Variants in CHCHD6 observed in about 807,000 individuals in gnomAD.
CHCHD6 encodes MICOS complex subunit MIC25.
A neutral mutation model predicts 32.3 loss-of-function variants in CHCHD6; 28 were observed. The observed-to-expected ratio is 0.87, with a 90% CI of 0.64 to 1.19. The LOEUF (loss-of-function observed/expected upper bound fraction) is 1.19. Among genes scored for constraint, CHCHD6 ranks in the 50% most tolerant of loss-of-function variants. CHCHD6 has a pLI of 0.00. For missense variants in CHCHD6, 333 were observed against 307.0 expected, an observed-to-expected ratio of 1.08 and a Z score of -0.63; for synonymous variants, 122 against 117.5, an observed-to-expected ratio of 1.04 and a Z score of -0.25.
chr3:126,719,499 A>G (rs775558482), intron 1 of CHCHD6, among the ~76,000 whole-genome samples: 2 of 152,164 alleles, frequency 1.3e-5, no homozygotes, highest in African/African-American at 2.4e-5. Context: ...AGCATTTCTG[A>G]AGTGGGGATG....
At chr3:126,929,655 T>C (rs1322537574) in intron 6 of CHCHD6, among the ~76,000 whole-genome samples, 1 of 152,140 alleles carries the variant, frequency 6.6e-6, no homozygotes, top group Non-Finnish European at 1.5e-5. Context: ...ATCCTCTGCC[T>C]CCTGGGTTCA....
intron 4 of CHCHD6, among the ~76,000 whole-genome samples, chr3:126,740,299 T>C (rs1936237979): frequency 6.6e-6 from 1 of 152,190 alleles, no homozygotes; most frequent in Admixed American, 6.5e-5. Flanking sequence ...CCTATGGGCT[T>C]TCTCTCCATT....
At chr3:126,871,743 G>T (rs560660340) in intron 5 of CHCHD6, among the ~76,000 whole-genome samples, 1 of 140,486 alleles carries the variant, frequency 7.1e-6, no homozygotes, top group African/African-American at 2.7e-5. Flanking sequence ...TTGGCTCACT[G>T]CAACCTCCGC....
chr3:126,864,408 C>T (rs1420291825), intron 5 of CHCHD6, among the ~76,000 whole-genome samples: 1 of 149,612 alleles, frequency 6.7e-6, no homozygotes, highest in East Asian at 2.0e-4. Flanking sequence ...TCCTCCTCCT[C>T]CTCCTCTTCC....
At chr3:126,878,171 A>G (rs762158074) in intron 5 of CHCHD6, among the ~76,000 whole-genome samples, 34 of 152,368 alleles carry the variant, frequency 2.2e-4, no homozygotes, top group Non-Finnish European at 4.3e-4. Flanking sequence ...CAGAATCAAT[A>G]TGAATTCAGG....
chr3:126,930,576 A>G (rs960135793), intron 6 of CHCHD6, among the ~76,000 whole-genome samples: 4 of 152,146 alleles, frequency 2.6e-5, no homozygotes, highest in African/African-American at 4.8e-5. Flanking sequence ...GAAATAGAAA[A>G]CATGGGCTTT....
intron 4 of CHCHD6, among the ~76,000 whole-genome samples, chr3:126,773,128 A>T (rs568797218): frequency 1.3e-5 from 2 of 152,052 alleles, no homozygotes; most frequent in South Asian, 4.1e-4. Flanking sequence ...TTCCCTTTGT[A>T]GGTGACCTGC....
At position 126,727,126 on chromosome 3, in the gene CHCHD6, C is replaced by G. The variant is rs200475603; in HGVS notation, c.136C>G (p.Pro46Ala). The change falls in exon 2 of 8, where the codon CCT becomes GCT. Residue 46 changes from proline to alanine, a missense_variant. By Grantham distance (27) the Pro-to-Ala change is conservative. Coordinates refer to ENST00000290913, the MANE Select transcript of CHCHD6 (RefSeq NM_032343.3). ...NRMKEPSSPPPAPTSSTFGLQ... is the reference protein window; with the variant it reads ...NRMKEPSSPPAAPTSSTFGLQ... ...CATGAAGGAGCCCAGCTCTCCACCC[C>G]CTGCTCCCACATCTTCTACCTTTGG... 3.1e-6 allele frequency: 5 copies of G among 1,614,162 alleles called. No individual in the cohort carries two copies. Among genetic ancestry groups the G allele is most frequent in the East Asian group, 2.2e-5 (1 of 44,876 alleles).
At chr3:126,865,928 G>C (rs1392691921) in intron 5 of CHCHD6, among the ~76,000 whole-genome samples, 1 of 152,202 alleles carries the variant, frequency 6.6e-6, no homozygotes, top group African/African-American at 2.4e-5. Flanking sequence ...TCTGTGCCAG[G>C]AACCCTGCTG....
intron 4 of CHCHD6, among the ~76,000 whole-genome samples, chr3:126,770,177 T>C (rs189175008): frequency 3.5e-4 from 54 of 152,348 alleles, no homozygotes; most frequent in African/African-American, 1.1e-3. Context: ...TGCTACTGAT[T>C]TTTGTATGTT....
At chr3:126,899,496 G>A (rs756087557) in intron 5 of CHCHD6, among the ~76,000 whole-genome samples, 1 of 152,120 alleles carries the variant, frequency 6.6e-6, no homozygotes, top group Admixed American at 6.5e-5. Flanking sequence ...TAGCCCACGC[G>A]TTTCTGAGTG....
At chr3:126,869,345 T>C (rs1398605335) in intron 5 of CHCHD6, among the ~76,000 whole-genome samples, 1 of 149,832 alleles carries the variant, frequency 6.7e-6, no homozygotes, top group Non-Finnish European at 1.5e-5. Context: ...TATTTAATCA[T>C]TTCCTGTGGA....
intron 4 of CHCHD6, among the ~76,000 whole-genome samples, chr3:126,837,534 G>C (rs1940908887): frequency 6.6e-6 from 1 of 152,152 alleles, no homozygotes; most frequent in South Asian, 2.1e-4. Context: ...CTTTAGCCTG[G>C]GTGGCAGAGC....
chr3:126,865,067 T>C (rs62263285), intron 5 of CHCHD6, among the ~76,000 whole-genome samples: 361 of 30,518 alleles, frequency 0.012, 3 homozygotes, highest in African/African-American at 0.029. Context: ...CCTCCTCCTT[T>C]TCCACCACCT....
intron 5 of CHCHD6, among the ~76,000 whole-genome samples, chr3:126,913,092 G>A (rs1251050430): frequency 6.6e-6 from 1 of 151,990 alleles, no homozygotes; most frequent in African/African-American, 2.4e-5. Flanking sequence ...TTCCTTCACT[G>A]CCACACAAGC....
At chr3:126,747,423 A>C (rs909966622) in intron 4 of CHCHD6, among the ~76,000 whole-genome samples, 6 of 152,154 alleles carry the variant, frequency 3.9e-5, no homozygotes, top group African/African-American at 1.2e-4. Context: ...CAGTGAGATA[A>C]AATTAAGTGC....
chr3:126,939,793 G>C (rs2078533400), intron 6 of CHCHD6, among the ~76,000 whole-genome samples: 1 of 152,136 alleles, frequency 6.6e-6, no homozygotes, highest in African/African-American at 2.4e-5. Context: ...AGAGATAAGG[G>C]CATCATTTAT....
chr3:126,937,826 G>C (rs2078503411), intron 6 of CHCHD6, among the ~76,000 whole-genome samples: 1 of 152,050 alleles, frequency 6.6e-6, no homozygotes, highest in Non-Finnish European at 1.5e-5. Flanking sequence ...AGGGCTGGAG[G>C]GTGTGGGGGG....
chr3:126,842,409 C>G (rs1941129891), intron 4 of CHCHD6, among the ~76,000 whole-genome samples: 1 of 152,108 alleles, frequency 6.6e-6, no homozygotes, highest in Non-Finnish European at 1.5e-5. Context: ...AATACATGTT[C>G]TTAGATTAGT....
Sources: allele counts gnomAD v4.1 joint callset (sites outside exome capture counted in the v4.1 genomes callset), GRCh38; gene constraint gnomAD v4.1.1; transcripts MANE v1.5; gene names NCBI Gene and HGNC (gene_info 2026-07-23, HGNC 2026-07-21).